Variants in CENPW observed in about 807,000 individuals in gnomAD.
The protein encoded by CENPW is cancer-up-regulated gene 2 protein.
CENPW carries 3 observed loss-of-function variants against 11.1 expected under a neutral mutation model. That is an observed-to-expected ratio of 0.27 (90% CI 0.12 to 0.70). The LOEUF is 0.70. CENPW is among the 30% of genes least tolerant of loss of function. The probability of loss-of-function intolerance (pLI) is 0.77; values close to 1 mark genes in which losing one functional copy is unlikely to be tolerated. For missense variants in CENPW, 100 were observed against 105.6 expected (o/e 0.95, Z 0.23); for synonymous variants, 38 against 42.0 (o/e 0.91, Z 0.37).
At chr6:126,455,897 C>A in the CENPW span, among the ~76,000 whole-genome samples, 1 of 150,984 alleles carries the variant, frequency 6.6e-6, no homozygotes, top group African/African-American at 2.4e-5. Flanking sequence ...AATTAATATA[C>A]AAAAATTAGT....
chr6:126,453,689 C>T, the CENPW span, among the ~76,000 whole-genome samples: 1 of 151,050 alleles, frequency 6.6e-6, no homozygotes, highest in African/African-American at 2.4e-5. Flanking sequence ...AGGACAAGAT[C>T]AAATCTGCAC....
At chr6:126,429,336 G>A in the CENPW span, among the ~76,000 whole-genome samples, 4 of 151,968 alleles carry the variant, frequency 2.6e-5, no homozygotes, top group East Asian at 3.8e-4. Context: ...CCCAAATCTC[G>A]TGTTGAACTG....
At chr6:126,424,754 C>G in the CENPW span, among the ~76,000 whole-genome samples, 1 of 152,134 alleles carries the variant, frequency 6.6e-6, no homozygotes, top group African/African-American at 2.4e-5. Flanking sequence ...GCAACAGACT[C>G]TGAAAGTTAT....
At chr6:126,341,455 C>T (rs1780308836) in intron 1 of CENPW, among the ~76,000 whole-genome samples, 1 of 152,160 alleles carries the variant, frequency 6.6e-6, no homozygotes, top group African/African-American at 2.4e-5. Flanking sequence ...CTGTTGCTTC[C>T]TTTTCTAAAC....
chr6:126,384,040 T>C, the CENPW span, among the ~76,000 whole-genome samples: 2 of 152,116 alleles, frequency 1.3e-5, no homozygotes, highest in Non-Finnish European at 2.9e-5. Flanking sequence ...ACTGAGGTCA[T>C]AGCAATCACT....
the CENPW span, among the ~76,000 whole-genome samples, chr6:126,366,130 A>T: frequency 3.3e-5 from 5 of 152,348 alleles, no homozygotes; most frequent in African/African-American, 1.2e-4. Context: ...GATATTTGCT[A>T]TGCAGGGGAA....
At chr6:126,362,405 C>T in the CENPW span, among the ~76,000 whole-genome samples, 95 of 152,268 alleles carry the variant, frequency 6.2e-4, no homozygotes, top group Admixed American at 2.2e-3. Context: ...TGAGCTGTCC[C>T]TCAGTCCCTT....
the CENPW span, among the ~76,000 whole-genome samples, chr6:126,354,441 G>C: frequency 6.6e-6 from 1 of 152,000 alleles, no homozygotes; most frequent in Non-Finnish European, 1.5e-5. Flanking sequence ...TAGATATTAG[G>C]TTGTTGCAAA....
the CENPW span, among the ~76,000 whole-genome samples, chr6:126,410,017 A>G: frequency 6.6e-6 from 1 of 151,712 alleles, no homozygotes; most frequent in African/African-American, 2.4e-5. Context: ...TCATCGTGAT[A>G]TGGTGGTTTT....
chr6:126,353,549 G>T (rs541329122), downstream of CENPW, among the ~76,000 whole-genome samples: 3 of 151,960 alleles, frequency 2.0e-5, no homozygotes, highest in East Asian at 5.8e-4. Context: ...CCTAGGATTT[G>T]TCTTTTTTGT....
chr6:126,438,053 A>C, the CENPW span, among the ~76,000 whole-genome samples: 1 of 151,712 alleles, frequency 6.6e-6, no homozygotes, highest in East Asian at 1.9e-4. Flanking sequence ...GAGACCTTTA[A>C]AATTGCCATG....
the CENPW span, among the ~76,000 whole-genome samples, chr6:126,434,093 G>T: frequency 2.0e-5 from 3 of 152,048 alleles, no homozygotes; most frequent in African/African-American, 7.2e-5. Flanking sequence ...GCAGAGTGCT[G>T]GTATGCAATT....
chr6:126,471,086 A>T, the CENPW span, among the ~76,000 whole-genome samples: 1 of 152,168 alleles, frequency 6.6e-6, no homozygotes. Flanking sequence ...TGAAAAGGAC[A>T]TGAGATTTGG....
the CENPW span, among the ~76,000 whole-genome samples, chr6:126,420,665 A>G: frequency 2.6e-5 from 4 of 152,264 alleles, no homozygotes; most frequent in Admixed American, 6.5e-5. Flanking sequence ...CTGGCAATCT[A>G]TGTCCTCAGT....
At chr6:126,426,673 G>A in the CENPW span, among the ~76,000 whole-genome samples, 1 of 152,046 alleles carries the variant, frequency 6.6e-6, no homozygotes, top group South Asian at 2.1e-4. Context: ...ATATTCATAA[G>A]GATAAAATGA....
At chr6:126,474,581 T>G in the CENPW span, among the ~76,000 whole-genome samples, 1 of 152,178 alleles carries the variant, frequency 6.6e-6, no homozygotes, top group Non-Finnish European at 1.5e-5. Flanking sequence ...CTATGACAAT[T>G]ATCTCTCCTA....
At chr6:126,430,527 A>T in the CENPW span, among the ~76,000 whole-genome samples, 1 of 152,158 alleles carries the variant, frequency 6.6e-6, no homozygotes, top group Non-Finnish European at 1.5e-5. Flanking sequence ...TGTTTTGCAC[A>T]TGGGTCTGAC....
chr6:126,426,906 ACTTTT>A, the CENPW span, among the ~76,000 whole-genome samples: 1 of 152,110 alleles, frequency 6.6e-6, no homozygotes, highest in Non-Finnish European at 1.5e-5. Flanking sequence ...AAATTGGAAA[ACTTTT>A]CTTTAAGTCT....
chr6:126,412,178 G>T, the CENPW span, among the ~76,000 whole-genome samples: 2 of 140,218 alleles, frequency 1.4e-5, no homozygotes, highest in African/African-American at 5.3e-5. Flanking sequence ...TGTAAAGGTA[G>T]AGTTTAATCT....
Sources: allele counts gnomAD v4.1 joint callset (sites outside exome capture counted in the v4.1 genomes callset), GRCh38; gene constraint gnomAD v4.1.1; transcripts MANE v1.5; gene names NCBI Gene and HGNC (gene_info 2026-07-23, HGNC 2026-07-21).